The following MICALL1 variants were observed in gnomAD, a reference collection of about 807,000 sequenced individuals.
The protein encoded by MICALL1 is MICAL-like protein 1.
MICALL1 carries 61 observed loss-of-function variants against 83.7 expected under a neutral mutation model. That is an observed-to-expected ratio of 0.73 (90% CI 0.59 to 0.90). The LOEUF (loss-of-function observed/expected upper bound fraction) is 0.90, where lower values mean the gene tolerates loss of function less well. Among genes scored for constraint, MICALL1 ranks in the 40% least tolerant of loss-of-function variants. The probability of loss-of-function intolerance (pLI) is 0.00; values close to 1 mark genes in which losing one functional copy is unlikely to be tolerated. For synonymous variants in MICALL1, 481 were observed against 473.6 expected, an observed-to-expected ratio of 1.02 and a Z score of -0.20; for missense variants, 1,066 against 1,152.0, an observed-to-expected ratio of 0.93 and a Z score of 1.08.
intron 8 of MICALL1, chr22:37,927,114 T>C: frequency 2.5e-6 from 1 of 405,394 alleles, no homozygotes; most frequent in Non-Finnish European, 4.4e-6. Context: ...TCTCTTCCTC[T>C]GGCATTCCCA....
intron 4 of MICALL1, among the ~76,000 whole-genome samples, chr22:37,918,571 G>A (rs1361304757): frequency 1.3e-5 from 2 of 152,244 alleles, no homozygotes; most frequent in Admixed American, 6.5e-5. Flanking sequence ...GTGCTTGGAT[G>A]TAGAGAAACT....
At chr22:37,914,310 T>C (rs937443258) in intron 3 of MICALL1, among the ~76,000 whole-genome samples, 2 of 151,438 alleles carry the variant, frequency 1.3e-5, no homozygotes, top group African/African-American at 4.9e-5. Flanking sequence ...CACTGCAACC[T>C]CTACCTCCCG....
In MICALL1 at chr22:37,924,982, C is replaced by T. The variant is rs1028019702; in HGVS notation, c.1082+265C>T. On this transcript the variant is annotated intron_variant, in intron 7 of 15. Coordinates refer to ENST00000215957, the MANE Select transcript of MICALL1 (RefSeq NM_033386.4). This position sits in a 1 kb window ranked among gnomAD's most constrained non-coding sequence, Gnocchi z 5.2. ...CTCTGGTACCCGTTGCCTCTCCAGGCTCCTTTGCCCTGTAACATGGGAGGC... is the reference window on the plus strand; with the variant it reads ...CTCTGGTACCCGTTGCCTCTCCAGGTTCCTTTGCCCTGTAACATGGGAGGC... Among the ~76,000 whole-genome samples, 1 of 152,324 alleles carries T rather than the reference C, an allele frequency of 6.6e-6. No individual in the cohort carries two copies. The highest frequency in any genetic ancestry group is 2.4e-5 in the African/African-American group (1 of 41,568).
At chr22:37,911,665 G>T (rs892102598) in intron 1 of MICALL1, among the ~76,000 whole-genome samples, 2 of 152,154 alleles carry the variant, frequency 1.3e-5, no homozygotes, top group African/African-American at 4.8e-5. Flanking sequence ...GAAAGCCTGG[G>T]CTTGAGCCTC....
At chr22:37,922,602 T>TATATATATATA (rs36105155) in intron 6 of MICALL1, among the ~76,000 whole-genome samples, 176 bp downstream of exon 6, 1 of 37,204 alleles carries the variant, frequency 2.7e-5, no homozygotes, top group African/African-American at 1.2e-4. Flanking sequence ...TATATATATA[T>TATATATATATA]TTTTTTTTTT....
intron 15 of MICALL1, 24 bp downstream of exon 15, chr22:37,937,816 G>T: frequency 6.2e-7 from 1 of 1,612,882 alleles, no homozygotes; most frequent in African/African-American, 1.3e-5. Context: ...TGGGGATGAG[G>T]CTGGTGAGCA....
At position 37,906,756 on chromosome 22, in the gene MICALL1, G is replaced by T; in HGVS notation, c.146+188G>T. The T allele has an allele frequency of 6.7e-6, 2 of 296,718 alleles. No homozygotes were observed. Among genetic ancestry groups the T allele is most frequent in the African/African-American group, 2.3e-5 (1 of 44,218 alleles). The allele number at this position is 296,718 out of a possible 1,614,324, so 18.4% of individuals were successfully genotyped here. On this transcript the variant is annotated intron_variant, in intron 1 of 15. Transcript: ENST00000215957. This position sits in a 1 kb window ranked among gnomAD's most constrained non-coding sequence, Gnocchi z 4.4. ...CCCCGGCCCAGGGCGCCCCTCCCCC[G>T]CCCGGCCGCCCTGACCCCGCCCGTG... is the stretch of plus-strand genomic sequence containing the variant.
At chr22:37,927,899 T>C in intron 9 of MICALL1, 73 bp downstream of exon 9, 1 of 1,458,922 alleles carries the variant, frequency 6.9e-7, no homozygotes, top group Non-Finnish European at 9.1e-7. Context: ...AGGGCAGAAA[T>C]GTCCAGGGCC....
At chr22:37,922,502 G>A (rs1929115962) in intron 6 of MICALL1, 76 bp downstream of exon 6, 2 of 1,162,736 alleles carry the variant, frequency 1.7e-6, no homozygotes, top group African/African-American at 1.6e-5. Flanking sequence ...GTGTCTGGGA[G>A]TGTTGGTGGG....
Position 37,925,806 on chromosome 22 carries a change from G to C in MICALL1, c.1228G>C (p.Val410Leu), listed in dbSNP as rs768803323. ...GGTGGAGAATGGAGGCACCGAGGAG[G>C]TGGCCCAGCCGAGCCCAACGGCCAG... Reference protein sequence around the residue: ...RQVENGGTEEVAQPSPTASLE... With the variant: ...RQVENGGTEELAQPSPTASLE... Residue 410 changes from valine to leucine, a missense_variant, in exon 8 of 16, where the codon GTG (valine) becomes CTG (leucine). Val to Leu is a conservative substitution (Grantham distance 32, BLOSUM62 1). Coordinates refer to ENST00000215957, the MANE Select transcript of MICALL1 (RefSeq NM_033386.4). The C allele has an allele frequency of 1.2e-6, 2 of 1,613,716 alleles. No individual in the cohort carries two copies. Among genetic ancestry groups the C allele is most frequent in the South Asian group, 1.1e-5 (1 of 91,072 alleles).
chr22:37,938,775 G>A (rs1338548482), intron 15 of MICALL1, among the ~76,000 whole-genome samples: 1 of 151,952 alleles, frequency 6.6e-6, no homozygotes, highest in Non-Finnish European at 1.5e-5. Flanking sequence ...ACCACACCCG[G>A]CTAATTTTTG....
At position 37,922,011 on chromosome 22, in the gene MICALL1, T is replaced by G; in HGVS notation, c.609T>G (p.Tyr203Ter). The change falls in exon 6 of 16, where the codon TAT (tyrosine) becomes TAG (stop). Residue 203 changes from tyrosine to a stop codon, truncating the protein, a stop_gained. Coordinates refer to ENST00000215957, the MANE Select transcript of MICALL1 (RefSeq NM_033386.4). LOFTEE classifies it high-confidence loss of function. ...RCSSTLLPGA[Y>*]ENGPEEGTFV... The stretch of plus-strand genomic sequence containing the variant: ...CCAGCACCCTGCTCCCTGGGGCTTA[T>G]GAGAATGGGCCTGAGGAGGGCACCT... 1 of 1,604,116 alleles carries G rather than the reference T, an allele frequency of 6.2e-7. No individual in the cohort carries two copies. Among genetic ancestry groups the G allele is most frequent in the Non-Finnish European group, 8.5e-7 (1 of 1,173,424 alleles).
chr22:37,919,712 G>A (rs1157941778), intron 5 of MICALL1, among the ~76,000 whole-genome samples: 1 of 150,918 alleles, frequency 6.6e-6, no homozygotes, highest in African/African-American at 2.4e-5. Context: ...TTTTGGCCGG[G>A]TATGGTGGCT....
intron 1 of MICALL1, 38 bp from the exon 2 acceptor site, chr22:37,911,914 C>T: frequency 6.2e-7 from 1 of 1,610,556 alleles, no homozygotes; most frequent in South Asian, 1.1e-5. Flanking sequence ...CCAGTCACCT[C>T]CCCTCTTGAC....
At chr22:37,916,422 C>G (rs1928681433) in intron 3 of MICALL1, among the ~76,000 whole-genome samples, 1 of 152,218 alleles carries the variant, frequency 6.6e-6, no homozygotes, top group Admixed American at 6.5e-5. Context: ...CCATCTGCTG[C>G]TTAAGCAAAG....
At chr22:37,937,689 G>T (rs1930212438) in intron 14 of MICALL1, 57 bp from the exon 15 acceptor site, 2 of 1,589,728 alleles carry the variant, frequency 1.3e-6, no homozygotes, top group African/African-American at 2.7e-5. Flanking sequence ...CTCCCAAAGT[G>T]CTGGGATTAC....
At position 37,933,125 on chromosome 22, in the gene MICALL1, A is replaced by G; in HGVS notation, c.2308+13A>G. The G allele has an allele frequency of 6.2e-7, 1 of 1,612,774 alleles. No individual in the cohort carries two copies. The highest frequency in any genetic ancestry group is 8.5e-7 in the Non-Finnish European group (1 of 1,179,354). ...CTCAATAAGCCAGGTGAGTGCAGCC[A>G]CTGGCACTCCCCTGGCACCTGCCCT... On this transcript the variant is annotated intron_variant, in intron 13 of 15. Coordinates refer to ENST00000215957, the MANE Select transcript of MICALL1 (RefSeq NM_033386.4).
intron 3 of MICALL1, 111 bp from the exon 4 acceptor site, chr22:37,917,593 AGGT>A: frequency 1.1e-6 from 1 of 892,498 alleles, no homozygotes; most frequent in Non-Finnish European, 1.8e-6. Context: ...CCACTGCATT[AGGT>A]GGTCTGCCTT....
In MICALL1 at chr22:37,924,915, A is replaced by G. The variant is rs1225315053; in HGVS notation, c.1082+198A>G. On this transcript the variant is annotated intron_variant, in intron 7 of 15. Transcript: ENST00000215957. This position sits in a 1 kb window ranked among gnomAD's most constrained non-coding sequence, Gnocchi z 5.2. ...GCGGCCAGTGCCTGGCCCCCTCCCC[A>G]GGTCCCTGCTCCTGTGGGCAGTGCC... Among the ~76,000 whole-genome samples the G allele has an allele frequency of 6.6e-6, 1 of 152,080 alleles. No individual in the cohort carries two copies. Among genetic ancestry groups the G allele is most frequent in the Non-Finnish European group, 1.5e-5 (1 of 68,000 alleles).
Sources: gnomAD v4.1 joint callset for allele counts (sites outside exome capture counted in the v4.1 genomes callset) on GRCh38, gnomAD v4.1.1 for gene constraint, Gnocchi (gnomAD v3.1) non-coding constraint, MANE v1.5 for transcripts, NCBI Gene and HGNC (gene_info 2026-07-23, HGNC 2026-07-21) for gene names.